PARD3: variants seen among roughly 807,000 people sequenced by gnomAD.
PARD3 encodes par-3 family cell polarity regulator, also known as partitioning defective 3 homolog.
Under a neutral mutation model 155.4 loss-of-function variants are expected in PARD3, and 75 were observed. The ratio of observed to expected loss-of-function variants is 0.48; its 90% CI spans 0.40 to 0.58. PARD3 has a LOEUF of 0.58. PARD3 is among the 20% of genes least tolerant of loss of function. The pLI is 0.00. For missense variants in PARD3, 1,642 were observed against 1,721.7 expected, an observed-to-expected ratio of 0.95 and a Z score of 0.82; for synonymous variants, 576 against 610.5, an observed-to-expected ratio of 0.94 and a Z score of 0.83.
intron 22 of PARD3, among the ~76,000 whole-genome samples, chr10:34,266,332 G>C (rs924538933): frequency 2.0e-5 from 3 of 152,134 alleles, no homozygotes; most frequent in Admixed American, 2.0e-4. Context: ...TGACATCACA[G>C]CCAAATTCAC....
chr10:34,656,994 G>A (rs1393229045), intron 2 of PARD3, among the ~76,000 whole-genome samples: 1 of 152,198 alleles, frequency 6.6e-6, no homozygotes, highest in Non-Finnish European at 1.5e-5. Context: ...GAAGAGACAA[G>A]CTGTCACATT....
At chr10:34,134,850 C>G (rs562702699) in intron 22 of PARD3, among the ~76,000 whole-genome samples, 2 of 152,308 alleles carry the variant, frequency 1.3e-5, no homozygotes, top group South Asian at 2.1e-4. Context: ...AGAGATGAAA[C>G]CATTACAATT....
intron 15 of PARD3, chr10:34,345,267 G>A: frequency 1.0e-6 from 1 of 985,286 alleles, no homozygotes; most frequent in Non-Finnish European, 1.2e-6. Flanking sequence ...CTTCCTTTTG[G>A]GGTGTATCTT....
chr10:34,588,377 C>T (rs1416501149), intron 2 of PARD3, among the ~76,000 whole-genome samples: 1 of 152,162 alleles, frequency 6.6e-6, no homozygotes, highest in East Asian at 1.9e-4. Flanking sequence ...ATACAAGCCA[C>T]AGCTAACATT....
chr10:34,241,465 G>C, intron 22 of PARD3, among the ~76,000 whole-genome samples: 1 of 152,264 alleles, frequency 6.6e-6, no homozygotes, highest in South Asian at 2.1e-4. Flanking sequence ...AGGGTGTCTA[G>C]TGTTCACAGA....
At chr10:34,795,164 G>A (rs566048270) in intron 1 of PARD3, among the ~76,000 whole-genome samples, 1 of 152,354 alleles carries the variant, frequency 6.6e-6, no homozygotes, top group African/African-American at 2.4e-5. Context: ...CCTCTATGCT[G>A]GAGACACCAC....
At chr10:34,650,960 G>A (rs17601363) in intron 2 of PARD3, among the ~76,000 whole-genome samples, 2 of 140,654 alleles carry the variant, frequency 1.4e-5, no homozygotes, top group African/African-American at 2.6e-5. Flanking sequence ...GTGGTGAGCC[G>A]AGATTGTGCC....
At chr10:34,317,366 A>G (rs1288140139) in intron 19 of PARD3, 28 bp from the exon 20 acceptor site, 1 of 1,574,216 alleles carries the variant, frequency 6.4e-7, no homozygotes, top group African/African-American at 1.4e-5. Flanking sequence ...AAAAATAGGG[A>G]CACAGTGAAC....
chr10:34,261,180 C>G (rs566606051), intron 22 of PARD3, among the ~76,000 whole-genome samples: 2 of 152,172 alleles, frequency 1.3e-5, no homozygotes, highest in East Asian at 3.9e-4. Flanking sequence ...TGACAGTCAG[C>G]AAATGTCCAT....
intron 22 of PARD3, among the ~76,000 whole-genome samples, chr10:34,232,599 T>C (rs1952990311): frequency 6.6e-6 from 1 of 152,176 alleles, no homozygotes; most frequent in African/African-American, 2.4e-5. Context: ...TAAAGGAATA[T>C]TGTGCAATAC....
chr10:34,409,385 C>A (rs1844822141), intron 5 of PARD3, among the ~76,000 whole-genome samples: 1 of 152,108 alleles, frequency 6.6e-6, no homozygotes, highest in Non-Finnish European at 1.5e-5. Flanking sequence ...ATATTTAGTC[C>A]AGCATCCAAA....
chr10:34,137,181 G>C (rs952836704), intron 22 of PARD3, among the ~76,000 whole-genome samples: 5 of 152,182 alleles, frequency 3.3e-5, no homozygotes, highest in African/African-American at 9.7e-5. Context: ...GTGTGTCATG[G>C]TGGTTTGCTG....
rs55894819 is a variant in PARD3 at position 34,653,794 on chromosome 10, C to CAAA, written c.222+42521_222+42523dup. Among the ~76,000 whole-genome samples, 1,142 of 130,250 alleles carry CAAA rather than the reference C, an allele frequency of 8.8e-3. 21 individuals are homozygous for CAAA. Among genetic ancestry groups the CAAA allele is most frequent in the African/African-American group, 0.032 (1,068 of 33,390 alleles). 85.4% of individuals were successfully genotyped at this position (130,250 alleles called of 152,430 possible). ...GGGCAACATAGCAAGACCTCGACTC[C>CAAA]AAAAAAAAAAAAAAAAAATGTATAT... On this transcript the variant is annotated intron_variant, in intron 2 of 24. Transcript: ENST00000374788.
chr10:34,660,979 T>C (rs1205194024), intron 2 of PARD3, among the ~76,000 whole-genome samples: 2 of 152,162 alleles, frequency 1.3e-5, no homozygotes, highest in Non-Finnish European at 2.9e-5. Flanking sequence ...CATAATGAAA[T>C]AGTAATGTAA....
At chr10:34,493,942 A>T (rs927801700) in intron 3 of PARD3, among the ~76,000 whole-genome samples, 2 of 152,158 alleles carry the variant, frequency 1.3e-5, no homozygotes, top group African/African-American at 4.8e-5. Flanking sequence ...CCAACTCAAC[A>T]TTCAGTGACA....
At chr10:34,600,677 C>T (rs141329813) in intron 2 of PARD3, among the ~76,000 whole-genome samples, 1 of 152,156 alleles carries the variant, frequency 6.6e-6, no homozygotes. Context: ...TTTATGATCA[C>T]CACATACTAG....
chr10:34,728,076 G>A (rs970309513), intron 1 of PARD3, among the ~76,000 whole-genome samples: 5 of 152,156 alleles, frequency 3.3e-5, no homozygotes, highest in African/African-American at 1.2e-4. Context: ...TAATTTATTA[G>A]ACTCTAGGCA....
At chr10:34,240,516 CAGG>C (rs1953513524) in intron 22 of PARD3, among the ~76,000 whole-genome samples, 1 of 152,056 alleles carries the variant, frequency 6.6e-6, no homozygotes, top group East Asian at 1.9e-4. Context: ...TAACAATTTT[CAGG>C]AGTTTTAGTT....
rs183575303 is a variant in PARD3 at position 34,293,144 on chromosome 10, A to G, written c.3066-8899T>C. Among the ~76,000 whole-genome samples the G allele has an allele frequency of 2.1e-4, 32 of 152,334 alleles. 1 individual carries two copies. The East Asian group carries it at 5.8e-3, about 28-fold the overall frequency. ...ACAGTAATCCTTCAAAACACAAGATAAATACACAAATCACTGAAATAATAC... is the reference window on the plus strand; with the variant it reads ...ACAGTAATCCTTCAAAACACAAGATGAATACACAAATCACTGAAATAATAC... On this transcript the variant is annotated intron_variant, in intron 20 of 24. Transcript: ENST00000374788.
Sources: gnomAD v4.1 joint callset for allele counts (sites outside exome capture counted in the v4.1 genomes callset) on GRCh38, gnomAD v4.1.1 for gene constraint, MANE v1.5 for transcripts, NCBI Gene and HGNC (gene_info 2026-07-23, HGNC 2026-07-21) for gene names.